The following SARM1 variants were observed in gnomAD, a reference collection of about 807,000 sequenced individuals.
SARM1 encodes sterile alpha and TIR motif containing 1.
A neutral mutation model predicts 65.1 loss-of-function variants in SARM1; 60 were observed. That is an observed-to-expected ratio of 0.92 (90% CI 0.75 to 1.14). The LOEUF (loss-of-function observed/expected upper bound fraction) is 1.14, where lower values mean the gene tolerates loss of function less well. SARM1 is among the 50% of genes most tolerant of loss of function. SARM1 has a pLI of 0.00. For synonymous variants in SARM1, 417 were observed against 465.4 expected (o/e 0.90, Z 1.34); for missense variants, 913 against 1,015.7 (o/e 0.90, Z 1.37).
At position 28,396,039 on chromosome 17, in the gene SARM1, G is replaced by T; in HGVS notation, c.2045+13G>T. 6.2e-7 allele frequency: 1 copy of T among 1,613,856 alleles called. No individual in the cohort carries two copies. Among genetic ancestry groups the T allele is most frequent in the African/African-American group, 1.3e-5 (1 of 75,050 alleles). ...TCAACGGTATCAAGTGAGCCCCAGGGCCCTGGGACCAGGGGGGTAGGGTAC... is the reference window on the plus strand; with the variant it reads ...TCAACGGTATCAAGTGAGCCCCAGGTCCCTGGGACCAGGGGGGTAGGGTAC... On this transcript the variant is annotated intron_variant, in intron 8 of 8. Coordinates refer to ENST00000585482, the MANE Select transcript of SARM1 (RefSeq NM_015077.4).
intron 7 of SARM1, chr17:28,395,321 T>C: frequency 6.5e-6 from 1 of 152,770 alleles, no homozygotes; most frequent in Admixed American, 6.5e-5. Flanking sequence ...AAGAGATACA[T>C]AGGATCTCTA....
intron 7 of SARM1, among the ~76,000 whole-genome samples, chr17:28,391,573 C>T (rs9913833): frequency 0.58 from 87,765 of 151,682 alleles, 26,036 homozygotes; most frequent in East Asian, 0.72. Flanking sequence ...ACCCAGAGCA[C>T]GTGGCAGGCA....
intron 7 of SARM1, among the ~76,000 whole-genome samples, chr17:28,388,863 C>T (rs145674526): frequency 5.3e-5 from 8 of 151,788 alleles, no homozygotes; most frequent in East Asian, 3.9e-4. Context: ...CTCCACCTCC[C>T]GGGTTCACAC....
chr17:28,372,520 G>C lies in SARM1; in HGVS notation c.470+18G>C. 1 of 1,510,936 alleles carries C rather than the reference G, an allele frequency of 6.6e-7. No homozygotes were observed. 93.6% of individuals were successfully genotyped at this position (1,510,936 alleles called of 1,614,324 possible). On this transcript the variant is annotated intron_variant, in intron 1 of 8. Transcript: ENST00000585482. This position sits in a 1 kb window ranked among gnomAD's most constrained non-coding sequence, Gnocchi z 5.2. Reference sequence around the variant, plus strand: ...GAGAACCGGTGAGCGCGCCAGGCCGGGGTTGGGAGAGCGCCGCGTGGTGTG... The same window carrying C: ...GAGAACCGGTGAGCGCGCCAGGCCGCGGTTGGGAGAGCGCCGCGTGGTGTG...
At chr17:28,377,564 G>T (rs1555584760) in intron 1 of SARM1, among the ~76,000 whole-genome samples, 2 of 152,250 alleles carry the variant, frequency 1.3e-5, no homozygotes, top group Admixed American at 6.5e-5. Flanking sequence ...TGAGCTTATG[G>T]CATGTTCCGG....
chr17:28,387,863 G>A (rs1361412699), intron 5 of SARM1: 1 of 382,032 alleles, frequency 2.6e-6, no homozygotes, highest in Non-Finnish European at 4.8e-6. Context: ...GGGGAGATTT[G>A]GGGTGTGTTG....
intron 1 of SARM1, among the ~76,000 whole-genome samples, chr17:28,374,649 T>G (rs541832970): frequency 1.3e-5 from 2 of 152,264 alleles, no homozygotes; most frequent in East Asian, 1.9e-4. Flanking sequence ...GTTTTTCTCC[T>G]TCACCAACCA....
At chr17:28,375,817 T>A (rs1318242157) in intron 1 of SARM1, among the ~76,000 whole-genome samples, 2 of 152,118 alleles carry the variant, frequency 1.3e-5, no homozygotes, top group Admixed American at 6.5e-5. Flanking sequence ...CTCAATTTTT[T>A]AAAATTAAAT....
At chr17:28,381,057 T>G in intron 1 of SARM1, 146 bp from the exon 2 acceptor site, 5 of 928,880 alleles carry the variant, frequency 5.4e-6, no homozygotes, top group Non-Finnish European at 7.7e-6. Flanking sequence ...GGGGAGGAGA[T>G]GAGGGTGGGG....
chr17:28,390,545 G>A (rs1226702880), intron 7 of SARM1, among the ~76,000 whole-genome samples: 2 of 152,062 alleles, frequency 1.3e-5, no homozygotes, highest in Admixed American at 6.6e-5. Context: ...CCCTTATTAT[G>A]TGATGTTATG....
chr17:28,400,909 TA>T lies in SARM1; in HGVS notation c.*4624del. 2.6e-6 allele frequency: 2 copies of T among 756,636 alleles called. No homozygotes were observed. The highest frequency in any genetic ancestry group is 4.5e-6 in the Non-Finnish European group (2 of 439,724). 46.9% of individuals were successfully genotyped at this position (756,636 alleles called of 1,614,324 possible). A position where few individuals can be genotyped will look rare whatever the true frequency, so the allele number is the denominator to read the frequency against. The stretch of plus-strand genomic sequence containing the variant: ...CACCAGTAAATCCTGCTACATCATG[TA>T]CTGTGACAAGGATTCAGTAAGGTCA... On this transcript the variant is annotated 3_prime_UTR_variant, in exon 9 of 9. Transcript: ENST00000585482.
In SARM1 at chr17:28,385,226, C is replaced by T. The variant is rs1353564146; in HGVS notation, c.1581C>T (p.Cys527=). The T allele has an allele frequency of 1.1e-5, 17 of 1,592,666 alleles. No homozygotes were observed. Among genetic ancestry groups the T allele is most frequent in the Non-Finnish European group, 1.4e-5 (16 of 1,174,000 alleles). ...RVSEQQLLED[C]GIHLGVHRAR... is the part of the protein sequence containing the mutation. ...CTGAGCAGCAGCTGCTGGAAGACTG[C>T]GGCATCCACCTGGGCGTGCACCGCG... The change falls in exon 5 of 9, where the codon TGC becomes TGT. Residue 527 remains cysteine, a synonymous_variant. Coordinates refer to ENST00000585482, the MANE Select transcript of SARM1 (RefSeq NM_015077.4). The surrounding 1 kb of genome is among the most constrained non-coding windows in gnomAD (Gnocchi z 4.5).
rs1348893694 is a variant in SARM1 at position 28,400,554 on chromosome 17, G to T, written c.*4268G>T. On this transcript the variant is annotated 3_prime_UTR_variant, in exon 9 of 9. Coordinates refer to ENST00000585482, the MANE Select transcript of SARM1 (RefSeq NM_015077.4). ...CCATTTCTGGTTGGGAGGAGAAGAG[G>T]AAACTTTTAAGAGAAAGGGCTCCAT... 6.3e-7 allele frequency: 1 copy of T among 1,598,150 alleles called. No homozygotes were observed.
chr17:28,386,632 G>A (rs2068051517), intron 5 of SARM1: 1 of 152,184 alleles, frequency 6.6e-6, no homozygotes, highest in African/African-American at 2.4e-5. Flanking sequence ...GCACCCACAA[G>A]ACACAAGGGA....
intron 1 of SARM1, among the ~76,000 whole-genome samples, chr17:28,374,637 A>G (rs2067978941): frequency 6.6e-6 from 1 of 152,072 alleles, no homozygotes; most frequent in Non-Finnish European, 1.5e-5. Context: ...AATTTATGAA[A>G]TGTTTTTCTC....
chr17:28,403,913 C>T lies in SARM1; in HGVS notation c.*7627C>T, dbSNP rs2068224487. The T allele has an allele frequency of 6.6e-6, 1 of 152,600 alleles. No individual in the cohort carries two copies. Among genetic ancestry groups the T allele is most frequent in the African/African-American group, 2.4e-5 (1 of 41,420 alleles). 9.5% of individuals were successfully genotyped at this position (152,600 alleles called of 1,614,324 possible). On this transcript the variant is annotated 3_prime_UTR_variant, in exon 9 of 9. Transcript: ENST00000585482. ...CCAGTGGTCCCAGCTACTAGAGAGG[C>T]CAAGGTGGGAGGATCATCTGGGCCC...
chr17:28,400,589 G>A lies in SARM1; in HGVS notation c.*4303G>A. 1 of 1,613,062 alleles carries A rather than the reference G, an allele frequency of 6.2e-7. No homozygotes were observed. The highest frequency in any genetic ancestry group is 8.5e-7 in the Non-Finnish European group (1 of 1,179,486). On this transcript the variant is annotated 3_prime_UTR_variant, in exon 9 of 9. Transcript: ENST00000585482. ...AGAGAAAGGGCTCCATTATGAGCATGGGTTCAGGGCCCTGCATTACCCAAT... is the reference window on the plus strand; with the variant it reads ...AGAGAAAGGGCTCCATTATGAGCATAGGTTCAGGGCCCTGCATTACCCAAT...
rs782756958 is a variant in SARM1 at position 28,400,761 on chromosome 17, G to C, written c.*4475G>C. ...TTCACACAGGCCACAGCAGAAAAGA[G>C]AGCACCTGTGAAGAAATAAATACCA... On this transcript the variant is annotated 3_prime_UTR_variant, in exon 9 of 9. Coordinates refer to ENST00000585482, the MANE Select transcript of SARM1 (RefSeq NM_015077.4). The C allele has an allele frequency of 1.3e-6, 2 of 1,566,110 alleles. No individual in the cohort carries two copies. Among genetic ancestry groups the C allele is most frequent in the South Asian group, 2.3e-5 (2 of 85,558 alleles).
rs1239866796 is a variant in SARM1, at chr17:28,384,810, C to A, written c.1303-29C>A. On this transcript the variant is annotated intron_variant, in intron 3 of 8. Coordinates refer to ENST00000585482, the MANE Select transcript of SARM1 (RefSeq NM_015077.4). This position sits in a 1 kb window ranked among gnomAD's most constrained non-coding sequence, Gnocchi z 4.4. ...GAGGTCCAAGGGCGGAGTAGCGAAG[C>A]CCTTCCTGACACCCGACTCCTCCCC... 1.2e-5 allele frequency: 18 copies of A among 1,544,016 alleles called. No individual in the cohort carries two copies. The highest frequency in any genetic ancestry group is 1.4e-5 in the Non-Finnish European group (16 of 1,140,076).
Sources: gnomAD v4.1 joint callset for allele counts (sites outside exome capture counted in the v4.1 genomes callset) on GRCh38, gnomAD v4.1.1 for gene constraint, Gnocchi (gnomAD v3.1) non-coding constraint, MANE v1.5 for transcripts, NCBI Gene and HGNC (gene_info 2026-07-23, HGNC 2026-07-21) for gene names.